The following MSH4 variants were observed in gnomAD, a reference collection of about 807,000 sequenced individuals.
MSH4 encodes mutS homolog 4, also known as mutS protein homolog 4.
A neutral mutation model predicts 113.7 loss-of-function variants in MSH4; 106 were observed. The ratio of observed to expected loss-of-function variants is 0.93; its 90% CI spans 0.80 to 1.10. MSH4 has a LOEUF of 1.10. Ranked by LOEUF, MSH4 falls within the 50% of genes least tolerant of loss-of-function variation. The pLI, the probability that MSH4 is intolerant of heterozygous loss-of-function variation, is 0.00. For synonymous variants in MSH4, 368 were observed against 380.2 expected, an observed-to-expected ratio of 0.97 and a Z score of 0.37; for missense variants, 1,061 against 1,093.7, an observed-to-expected ratio of 0.97 and a Z score of 0.42.
intron 8 of MSH4, among the ~76,000 whole-genome samples, chr1:75,863,180 G>A (rs1651495923): frequency 6.6e-6 from 1 of 151,774 alleles, no homozygotes; most frequent in South Asian, 2.1e-4. Flanking sequence ...TTTATTCTAT[G>A]ATTCATTTTA....
chr1:75,894,697 G>A (rs964968337), intron 17 of MSH4, among the ~76,000 whole-genome samples: 1 of 152,146 alleles, frequency 6.6e-6, no homozygotes, highest in Non-Finnish European at 1.5e-5. Flanking sequence ...TCTGATCAAG[G>A]AACTTACTTC....
intron 7 of MSH4, among the ~76,000 whole-genome samples, chr1:75,845,141 A>G (rs1415512859): frequency 1.3e-5 from 2 of 152,256 alleles, no homozygotes; most frequent in Non-Finnish European, 2.9e-5. Context: ...CACTGAGATT[A>G]AGTTTCTAAT....
intron 1 of MSH4, 146 bp from the exon 2 acceptor site, chr1:75,803,585 C>G (rs896026773): frequency 1.7e-5 from 9 of 540,286 alleles, no homozygotes; most frequent in Non-Finnish European, 2.6e-5. Context: ...CCACTACGCT[C>G]CAGCCTGGGC....
At chr1:75,876,848 C>A in intron 9 of MSH4, 88 bp from the exon 10 acceptor site, 2 of 644,442 alleles carry the variant, frequency 3.1e-6, no homozygotes, top group Non-Finnish European at 2.5e-6. Context: ...ACTTGGTAAA[C>A]TATAAAGTAT....
intron 19 of MSH4, among the ~76,000 whole-genome samples, chr1:75,906,275 G>A (rs1041073674): frequency 2.7e-5 from 4 of 149,296 alleles, no homozygotes; most frequent in African/African-American, 9.9e-5. Context: ...CTTTTAATTG[G>A]AGAATTTAGG....
chr1:75,895,091 C>T (rs186476119), intron 17 of MSH4, among the ~76,000 whole-genome samples: 1 of 152,002 alleles, frequency 6.6e-6, no homozygotes, highest in East Asian at 1.9e-4. Context: ...AGTATGCTTC[C>T]ACCAAGAGAC....
chr1:75,885,341 GTATATATA>G (rs72131358), intron 15 of MSH4, among the ~76,000 whole-genome samples: 3 of 102,556 alleles, frequency 2.9e-5, no homozygotes, highest in Admixed American at 1.1e-4. Flanking sequence ...GTGTGTGTGT[GTATATATA>G]TATATATAAA....
chr1:75,888,848 G>A (rs1050482544), intron 15 of MSH4, among the ~76,000 whole-genome samples: 1 of 150,164 alleles, frequency 6.7e-6, no homozygotes, highest in East Asian at 1.9e-4. Context: ...AACATTTACT[G>A]CCTTATTTGA....
At chr1:75,840,722 A>T (rs1650940472) in intron 7 of MSH4, among the ~76,000 whole-genome samples, 1 of 87,752 alleles carries the variant, frequency 1.1e-5, no homozygotes, top group African/African-American at 2.8e-5. Flanking sequence ...AAACCTTTTA[A>T]AAAAAACCCA....
At chr1:75,898,107 T>C in intron 18 of MSH4, 26 bp downstream of exon 18, 2 of 1,380,762 alleles carry the variant, frequency 1.4e-6, no homozygotes, top group Admixed American at 2.4e-5. Context: ...ATTATACCTA[T>C]ACATTCAAAT....
chr1:75,836,193 T>C (rs1255545908), intron 7 of MSH4, among the ~76,000 whole-genome samples: 1 of 152,208 alleles, frequency 6.6e-6, no homozygotes, highest in Non-Finnish European at 1.5e-5. Flanking sequence ...CACACAACTT[T>C]GCCTGAAATC....
Position 75,810,781 on chromosome 1 carries a change from T to C in MSH4, c.673T>C (p.Phe225Leu), listed in dbSNP as rs771838670. The change falls in exon 4 of 20, where the codon TTC (phenylalanine) becomes CTC (leucine). Residue 225 changes from phenylalanine (F) to leucine (L), a missense_variant. Transcript: ENST00000263187. Reference sequence around the variant, plus strand: ...TGCTGTGGGGAATTCCACCAAGTTGTTCACTCTGATCACAGAAAATTTCAA... The same window carrying C: ...TGCTGTGGGGAATTCCACCAAGTTGCTCACTCTGATCACAGAAAATTTCAA... ...ACAVGNSTKL[F>L]TLITENFKNV... 3 of 1,583,512 alleles carry C rather than the reference T, an allele frequency of 1.9e-6. No homozygotes were observed. Among genetic ancestry groups the C allele is most frequent in the South Asian group, 1.2e-5 (1 of 85,400 alleles).
At chr1:75,910,190 G>A (rs1456396743) in intron 19 of MSH4, among the ~76,000 whole-genome samples, 2 of 152,036 alleles carry the variant, frequency 1.3e-5, no homozygotes, top group Non-Finnish European at 2.9e-5. Context: ...TTTAAACTGA[G>A]TCTTATTGTC....
At position 75,807,130 on chromosome 1, in the gene MSH4, A is replaced by G; in HGVS notation, c.577A>G (p.Thr193Ala). 1 of 1,560,854 alleles carries G rather than the reference A, an allele frequency of 6.4e-7. No homozygotes were observed. The highest frequency in any genetic ancestry group is 8.6e-7 in the Non-Finnish European group (1 of 1,163,404). The change falls in exon 3 of 20, where the codon ACA (threonine) becomes GCA (alanine). Residue 193 changes from threonine to alanine, a missense_variant. Coordinates refer to ENST00000263187, the MANE Select transcript of MSH4 (RefSeq NM_002440.4). ...IILSQFADNT[T>A]YAKVITKLKI... ...ACTATCCCAGTTTGCAGACAACACA[A>G]CATATGCAAAGGTAAGTATTAATAA...
At chr1:75,857,412 T>G (rs1466848881) in intron 8 of MSH4, among the ~76,000 whole-genome samples, 3 of 152,252 alleles carry the variant, frequency 2.0e-5, no homozygotes, top group African/African-American at 7.2e-5. Flanking sequence ...AGGGTTTTTA[T>G]GGTTTTAGGT....
intron 7 of MSH4, among the ~76,000 whole-genome samples, chr1:75,833,835 A>T (rs1005325352): frequency 6.6e-6 from 1 of 152,264 alleles, no homozygotes; most frequent in South Asian, 2.1e-4. Context: ...AGAACCCTAG[A>T]AGAAAACCTA....
At chr1:75,911,435 A>G (rs551765218) in intron 19 of MSH4, among the ~76,000 whole-genome samples, 161 of 152,210 alleles carry the variant, frequency 1.1e-3, no homozygotes, top group Middle Eastern at 3.4e-3. Flanking sequence ...ATTAATTTCA[A>G]TACTCCATCC....
chr1:75,838,480 G>C (rs1650879705), intron 7 of MSH4, among the ~76,000 whole-genome samples: 1 of 152,120 alleles, frequency 6.6e-6, no homozygotes. Context: ...ACAAATTCCA[G>C]AAATTAGGAA....
chr1:75,868,877 A>C (rs1651648364), intron 9 of MSH4, among the ~76,000 whole-genome samples: 1 of 152,170 alleles, frequency 6.6e-6, no homozygotes, highest in African/African-American at 2.4e-5. Context: ...TTCCTTTATA[A>C]ATTTCCCAGT....
Sources: allele counts gnomAD v4.1 joint callset (sites outside exome capture counted in the v4.1 genomes callset), GRCh38; gene constraint gnomAD v4.1.1; transcripts MANE v1.5; gene names NCBI Gene and HGNC (gene_info 2026-07-23, HGNC 2026-07-21).